NLGN4Y: variants seen among roughly 807,000 people sequenced by gnomAD.
The protein encoded by NLGN4Y is neuroligin 4 Y-linked.
NLGN4Y carries 4 observed loss-of-function variants against 8.4 expected under a neutral mutation model. The observed-to-expected ratio is 0.48, with a 90% CI of 0.23 to 1.09. The LOEUF (loss-of-function observed/expected upper bound fraction) is 1.09. Among genes scored for constraint, NLGN4Y ranks in the 50% least tolerant of loss-of-function variants. NLGN4Y has a pLI of 0.19. For synonymous variants in NLGN4Y, 35 were observed against 75.6 expected (o/e 0.46, Z 2.78); for missense variants, 90 against 192.3 (o/e 0.47, Z 3.15).
rs949313950 is a variant in NLGN4Y, at chrY:14,659,207, A to T, written c.472+36616A>T. Among the ~76,000 whole-genome samples the T allele has an allele frequency of 2.7e-4, 9 of 33,003 alleles. No individual in the cohort carries two copies. The South Asian group carries it at 6.1e-3, about 23-fold the overall frequency. The allele number at this position is 33,003 out of a possible 37,273, so 88.5% of individuals were successfully genotyped here. On this transcript the variant is annotated intron_variant, in intron 2 of 6. Transcript: ENST00000684976. ...AGCTATTTCTGCCTCAAACCACCTC[A>T]GAGGGCTTCAGATTTCAGTGACACA...
At position 14,844,466 on chromosome Y, in the gene NLGN4Y, T is replaced by G. The variant is rs2043239498; in HGVS notation, c.*3204T>G. 1 of 35,133 alleles carries G rather than the reference T, an allele frequency of 2.8e-5. No homozygotes were observed. Among genetic ancestry groups the G allele is most frequent in the Non-Finnish European group, 6.9e-5 (1 of 14,534 alleles). 8.8% of individuals were successfully genotyped at this position (35,133 alleles called of 400,897 possible). A position where few individuals can be genotyped will look rare whatever the true frequency, so the allele number is the denominator to read the frequency against. Reference sequence around the variant, plus strand: ...GAACTTATTTCACATTCACAGTAGCTCTAAGGGGCAGGCACCTGCATTACT... The same window carrying G: ...GAACTTATTTCACATTCACAGTAGCGCTAAGGGGCAGGCACCTGCATTACT... On this transcript the variant is annotated 3_prime_UTR_variant, in exon 7 of 7. Transcript: ENST00000684976.
chrY:14,620,197 G>T (rs2080503513), intron 1 of NLGN4Y, among the ~76,000 whole-genome samples: 1 of 32,944 alleles, frequency 3.0e-5, no homozygotes, highest in Non-Finnish European at 7.4e-5. Flanking sequence ...AAAGGTGATG[G>T]TCTCACCTAT....
At chrY:14,790,278 T>A in intron 4 of NLGN4Y, among the ~76,000 whole-genome samples, 2 of 33,683 alleles carry the variant, frequency 5.9e-5, no homozygotes, top group African/African-American at 2.3e-4. Flanking sequence ...AGAAAAGGAA[T>A]CAGAGAATGG....
chrY:14,732,273 G>C, intron 4 of NLGN4Y, among the ~76,000 whole-genome samples: 1 of 33,087 alleles, frequency 3.0e-5, no homozygotes, highest in East Asian at 8.2e-4. Flanking sequence ...GTGTGTTGAG[G>C]ATTCTGATGC....
In NLGN4Y at chrY:14,843,249, C is replaced by T. The variant is rs2043233645; in HGVS notation, c.*1987C>T. 8.3e-6 allele frequency: 1 copy of T among 120,051 alleles called. No homozygotes were observed. The highest frequency in any genetic ancestry group is 1.8e-5 in the Non-Finnish European group (1 of 55,890). The allele number at this position is 120,051 out of a possible 400,897, so 29.9% of individuals were successfully genotyped here. On this transcript the variant is annotated 3_prime_UTR_variant, in exon 7 of 7. Coordinates refer to ENST00000684976, the MANE Select transcript of NLGN4Y (RefSeq NM_001365588.1). ...TTGGGTTAAATTTGAAAGCAATTCT[C>T]TATATATAAATATGTGAAATATTAT...
intron 1 of NLGN4Y, among the ~76,000 whole-genome samples, chrY:14,591,736 C>A (rs2080372708): frequency 3.0e-5 from 1 of 33,182 alleles, no homozygotes; most frequent in Non-Finnish European, 7.4e-5. Flanking sequence ...GCATTGGATG[C>A]ATAAAGGGGC....
chrY:14,753,269 G>T (rs2081047670), intron 4 of NLGN4Y, among the ~76,000 whole-genome samples: 1 of 30,480 alleles, frequency 3.3e-5, no homozygotes, highest in African/African-American at 1.3e-4. Flanking sequence ...CTCCCCAGTA[G>T]CTGGGACTAC....
At chrY:14,701,901 A>T in intron 2 of NLGN4Y, among the ~76,000 whole-genome samples, 2 of 33,293 alleles carry the variant, frequency 6.0e-5, no homozygotes, top group Admixed American at 2.8e-4. Flanking sequence ...ACCACTGGAG[A>T]GATGAGAAGA....
At chrY:14,614,956 TG>T (rs2080482964) in intron 1 of NLGN4Y, among the ~76,000 whole-genome samples, 37 of 32,627 alleles carry the variant, frequency 1.1e-3, no homozygotes, top group African/African-American at 3.7e-3. Flanking sequence ...GCAGTTTTTT[TG>T]TTTCCAATTC....
chrY:14,816,236 A>C (rs2043101545), intron 4 of NLGN4Y, among the ~76,000 whole-genome samples: 1 of 33,837 alleles, frequency 3.0e-5, no homozygotes, highest in African/African-American at 1.2e-4. Context: ...TCATTTGGGG[A>C]ATACTGGGGC....
chrY:14,705,920 A>G, intron 2 of NLGN4Y, among the ~76,000 whole-genome samples: 13 of 33,540 alleles, frequency 3.9e-4, no homozygotes. Context: ...TCTTTCTGTG[A>G]TAAGTGGTTG....
intron 2 of NLGN4Y, among the ~76,000 whole-genome samples, chrY:14,630,666 G>C (rs942344684): frequency 9.0e-5 from 3 of 33,201 alleles, no homozygotes; most frequent in Non-Finnish European, 1.5e-4. Context: ...AGTCACTGAA[G>C]TCATTAGGTT....
intron 1 of NLGN4Y, among the ~76,000 whole-genome samples, chrY:14,566,651 C>A (rs916533167): frequency 3.0e-4 from 10 of 33,406 alleles, no homozygotes; most frequent in Non-Finnish European, 7.4e-4. Flanking sequence ...GGACTTAACT[C>A]AGCTCTGGAC....
intron 4 of NLGN4Y, among the ~76,000 whole-genome samples, chrY:14,792,314 G>T: frequency 3.0e-5 from 1 of 33,139 alleles, no homozygotes; most frequent in Non-Finnish European, 7.4e-5. Flanking sequence ...CTGAACTTCA[G>T]TCACGCTGGA....
chrY:14,827,909 G>A, intron 5 of NLGN4Y, among the ~76,000 whole-genome samples: 1 of 33,314 alleles, frequency 3.0e-5, no homozygotes, highest in African/African-American at 1.2e-4. Context: ...TCATAGCAAA[G>A]AATGAAATGG....
At chrY:14,795,000 G>A (rs912211496) in intron 4 of NLGN4Y, among the ~76,000 whole-genome samples, 1 of 33,349 alleles carries the variant, frequency 3.0e-5, no homozygotes, top group Non-Finnish European at 7.4e-5. Context: ...TCAGCCCCCT[G>A]AGTAGCTGCC....
At chrY:14,663,753 T>C (rs2080683624) in intron 2 of NLGN4Y, among the ~76,000 whole-genome samples, 1 of 32,578 alleles carries the variant, frequency 3.1e-5, no homozygotes, top group Non-Finnish European at 7.5e-5. Flanking sequence ...GAGGTTGCAA[T>C]GAGCTGTGAT....
chrY:14,739,533 TC>T (rs2081000542), intron 4 of NLGN4Y, among the ~76,000 whole-genome samples: 1 of 33,068 alleles, frequency 3.0e-5, no homozygotes, highest in Non-Finnish European at 7.4e-5. Context: ...TGACTGGTTA[TC>T]TTAATCTTAT....
chrY:14,709,618 G>A, intron 2 of NLGN4Y, among the ~76,000 whole-genome samples: 1 of 33,021 alleles, frequency 3.0e-5, no homozygotes, highest in East Asian at 8.0e-4. Flanking sequence ...GGAAGCTGAG[G>A]CAGCAGAATC....
Sources: gnomAD v4.1 joint callset for allele counts (sites outside exome capture counted in the v4.1 genomes callset) on GRCh38, gnomAD v4.1.1 for gene constraint, MANE v1.5 for transcripts, NCBI Gene and HGNC (gene_info 2026-07-23, HGNC 2026-07-21) for gene names.